CADM2: variants seen among roughly 807,000 people sequenced by gnomAD.
CADM2 encodes immunoglobulin superfamily member 4D.
Under a neutral mutation model 49.8 loss-of-function variants are expected in CADM2, and 12 were observed. The observed-to-expected ratio is 0.24, with a 90% CI of 0.15 to 0.39. The LOEUF is 0.39. CADM2 is among the 10% of genes least tolerant of loss of function. The probability of loss-of-function intolerance (pLI) is 1.00; values close to 1 mark genes in which losing one functional copy is unlikely to be tolerated. For missense variants in CADM2, 378 were observed against 492.3 expected (o/e 0.77, Z 2.20); for synonymous variants, 214 against 175.4 (o/e 1.22, Z -1.74).
At chr3:85,769,575 A>C (rs902435602) in intron 2 of CADM2, among the ~76,000 whole-genome samples, 1 of 117,942 alleles carries the variant, frequency 8.5e-6, no homozygotes, top group Admixed American at 1.0e-4. Context: ...ACGTATATAC[A>C]TATATACATA....
chr3:85,874,668 A>G (rs1711565131), intron 3 of CADM2, among the ~76,000 whole-genome samples: 1 of 152,122 alleles, frequency 6.6e-6, no homozygotes, highest in Admixed American at 6.6e-5. Flanking sequence ...GCCAGTAGTG[A>G]GTGGTATCAA....
At chr3:85,406,349 T>A (rs2107455341) in intron 1 of CADM2, among the ~76,000 whole-genome samples, 1 of 152,284 alleles carries the variant, frequency 6.6e-6, no homozygotes, top group South Asian at 2.1e-4. Context: ...ACATCACAAA[T>A]ATTTTTTGAA....
chr3:86,027,744 G>A (rs1476643315), intron 8 of CADM2: 3 of 151,838 alleles, frequency 2.0e-5, no homozygotes, highest in Non-Finnish European at 4.4e-5. Context: ...TTACTATATG[G>A]TTTCAATAAC....
At chr3:85,324,215 A>G (rs1020302198) in intron 1 of CADM2, among the ~76,000 whole-genome samples, 2 of 152,176 alleles carry the variant, frequency 1.3e-5, no homozygotes, top group Non-Finnish European at 2.9e-5. Flanking sequence ...AAGTGTTTCT[A>G]TATTCTTTCT....
At chr3:85,763,229 G>T (rs368948084) in intron 2 of CADM2, among the ~76,000 whole-genome samples, 222 of 152,282 alleles carry the variant, frequency 1.5e-3, no homozygotes, top group South Asian at 4.8e-3. Context: ...TATATAAAAA[G>T]AAACTACTGG....
At chr3:84,972,448 A>G (rs2031518277) in intron 1 of CADM2, among the ~76,000 whole-genome samples, 1 of 152,202 alleles carries the variant, frequency 6.6e-6, no homozygotes, top group Non-Finnish European at 1.5e-5. Context: ...TGTAAATTTC[A>G]GAGCTTTTCT....
At chr3:85,391,374 A>AT (rs1324674958) in intron 1 of CADM2, among the ~76,000 whole-genome samples, 3 of 151,990 alleles carry the variant, frequency 2.0e-5, no homozygotes, top group Non-Finnish European at 4.4e-5. Flanking sequence ...TAAAGATAAG[A>AT]TTTTTCAGTG....
chr3:85,090,356 T>C (rs1040781601), intron 1 of CADM2, among the ~76,000 whole-genome samples: 6 of 152,178 alleles, frequency 3.9e-5, no homozygotes, highest in Non-Finnish European at 5.9e-5. Flanking sequence ...AGATAAGTAT[T>C]GACATTGACA....
intron 8 of CADM2, chr3:86,013,648 T>A: frequency 6.2e-7 from 1 of 1,603,208 alleles, no homozygotes; most frequent in Non-Finnish European, 8.5e-7. Context: ...GTAGTGGACA[T>A]AGCAGGGGAA....
intron 1 of CADM2, among the ~76,000 whole-genome samples, chr3:85,104,105 G>A (rs2038118180): frequency 6.6e-6 from 1 of 151,676 alleles, no homozygotes; most frequent in Non-Finnish European, 1.5e-5. Context: ...TGGTGTTTTA[G>A]ACATGAAGTC....
intron 3 of CADM2, among the ~76,000 whole-genome samples, chr3:85,814,495 G>A (rs961574767): frequency 6.6e-6 from 1 of 152,006 alleles, no homozygotes; most frequent in African/African-American, 2.4e-5. Flanking sequence ...TCAAAAACTA[G>A]CAGAAGACAA....
intron 1 of CADM2, among the ~76,000 whole-genome samples, chr3:85,648,663 T>C (rs1336280550): frequency 2.6e-5 from 4 of 152,036 alleles, no homozygotes; most frequent in Non-Finnish European, 2.9e-5. Flanking sequence ...TTTTTGTAGA[T>C]TAATGTTATA....
Position 85,653,269 on chromosome 3 carries a change from A to T in CADM2, c.62-73253A>T, listed in dbSNP as rs199771988. The stretch of plus-strand genomic sequence containing the variant: ...AGCAAGGAGGGGAGCCATAGGAGGG[A>T]TTTAAACAGAGAGTAGAGTTAGGAA... On this transcript the variant is annotated intron_variant, in intron 1 of 9. Coordinates refer to ENST00000383699, the MANE Select transcript of CADM2 (RefSeq NM_001167675.2). 5.4e-5 allele frequency among the ~76,000 whole-genome samples: 8 copies of T among 149,180 alleles called. No individual in the cohort carries two copies. The East Asian group carries it at 5.9e-4, about 11-fold the overall frequency.
chr3:85,750,136 A>G (rs2068803204), intron 2 of CADM2, among the ~76,000 whole-genome samples: 1 of 151,926 alleles, frequency 6.6e-6, no homozygotes, highest in East Asian at 1.9e-4. Context: ...TTTGTATCCC[A>G]TATCTTTCTG....
At chr3:85,701,117 A>C (rs1338317943) in intron 1 of CADM2, among the ~76,000 whole-genome samples, 1 of 152,182 alleles carries the variant, frequency 6.6e-6, no homozygotes, top group East Asian at 1.9e-4. Context: ...CATGGCAGAA[A>C]GCAAAGGGGG....
At chr3:85,812,770 A>G (rs1448172999) in intron 3 of CADM2, among the ~76,000 whole-genome samples, 3 of 152,032 alleles carry the variant, frequency 2.0e-5, no homozygotes, top group African/African-American at 4.8e-5. Flanking sequence ...TCCTTGTTCA[A>G]CTACCACTTA....
chr3:85,844,446 G>A (rs1332193095), intron 3 of CADM2, among the ~76,000 whole-genome samples: 3 of 152,102 alleles, frequency 2.0e-5, no homozygotes, highest in African/African-American at 7.2e-5. Context: ...TAGCTTTAAG[G>A]GGATTGATAC....
intron 8 of CADM2, among the ~76,000 whole-genome samples, chr3:86,055,540 C>T (rs528053053): frequency 1.5e-4 from 22 of 143,172 alleles, no homozygotes; most frequent in Admixed American, 5.2e-4. Flanking sequence ...GATCTCAGCT[C>T]ACTGCAAACT....
intron 1 of CADM2, among the ~76,000 whole-genome samples, chr3:85,237,445 C>T (rs956477953): frequency 4.6e-5 from 7 of 151,558 alleles, no homozygotes; most frequent in African/African-American, 1.5e-4. Context: ...TCTGTTGTCT[C>T]ACAGTGATGA....
Sources: gnomAD v4.1 joint callset for allele counts (sites outside exome capture counted in the v4.1 genomes callset) on GRCh38, gnomAD v4.1.1 for gene constraint, MANE v1.5 for transcripts, NCBI Gene and HGNC (gene_info 2026-07-23, HGNC 2026-07-21) for gene names.